Variants in CMSS1 observed in about 807,000 individuals in gnomAD.
The protein encoded by CMSS1 is protein CMSS1.
In CMSS1, 33 loss-of-function variants were observed where a neutral mutation model predicts 43.5. The observed-to-expected ratio is 0.76, with a 90% CI of 0.57 to 1.01. CMSS1 has a LOEUF of 1.01. CMSS1 is among the 50% of genes least tolerant of loss of function. CMSS1 has a pLI of 0.00. For synonymous variants in CMSS1, 115 were observed against 117.2 expected (o/e 0.98, Z 0.12); for missense variants, 313 against 326.4 (o/e 0.96, Z 0.32).
chr3:99,994,395 C>T (rs1056618520), intron 1 of CMSS1, among the ~76,000 whole-genome samples: 1 of 152,190 alleles, frequency 6.6e-6, no homozygotes, highest in Non-Finnish European at 1.5e-5. Context: ...ACTTAACAGA[C>T]ATTTACAACA....
chr3:99,822,430 G>A (rs1482785385), intron 1 of CMSS1, among the ~76,000 whole-genome samples: 2 of 152,142 alleles, frequency 1.3e-5, no homozygotes, highest in Non-Finnish European at 2.9e-5. Context: ...GGAGACTGCA[G>A]GTAATAATAC....
At chr3:100,066,421 A>C (rs552752190) in intron 1 of CMSS1, among the ~76,000 whole-genome samples, 5 of 150,552 alleles carry the variant, frequency 3.3e-5, no homozygotes, top group South Asian at 4.2e-4. Flanking sequence ...GTCATTTGCC[A>C]TGTGGTGATC....
chr3:99,850,088 T>C (rs901575559), intron 1 of CMSS1: 1 of 1,613,232 alleles, frequency 6.2e-7, no homozygotes, highest in East Asian at 2.2e-5. Context: ...GTTACTTTAT[T>C]TTGCTCCACT....
At chr3:100,003,585 C>T (rs78665059) in intron 1 of CMSS1, among the ~76,000 whole-genome samples, 3,125 of 152,226 alleles carry the variant, frequency 0.021, 50 homozygotes, top group Non-Finnish European at 0.035. Flanking sequence ...GAATCTCAGT[C>T]CCTTGACACT....
intron 1 of CMSS1, chr3:100,010,134 A>G (rs751856712): frequency 6.0e-5 from 58 of 969,920 alleles, no homozygotes; most frequent in Non-Finnish European, 7.1e-5. Flanking sequence ...TTTTTAGGTA[A>G]GTCATCTGAT....
chr3:100,114,868 C>A, intron 1 of CMSS1: 2 of 1,027,544 alleles, frequency 1.9e-6, no homozygotes, highest in Non-Finnish European at 1.4e-6. Flanking sequence ...ACCCAAGGCA[C>A]TGTAAACATT....
At chr3:99,980,125 C>G (rs1424494492) in intron 1 of CMSS1, among the ~76,000 whole-genome samples, 1 of 152,088 alleles carries the variant, frequency 6.6e-6, no homozygotes, top group Non-Finnish European at 1.5e-5. Flanking sequence ...ACAGTACGGA[C>G]TATATAGTGA....
chr3:100,136,983 C>T (rs1406150111), intron 1 of CMSS1, among the ~76,000 whole-genome samples: 1 of 152,270 alleles, frequency 6.6e-6, no homozygotes, highest in Admixed American at 6.5e-5. Flanking sequence ...TTTTCCTCCC[C>T]TTCCCTTCCC....
At chr3:99,887,365 A>G (rs1051246697) in intron 1 of CMSS1, among the ~76,000 whole-genome samples, 1 of 152,152 alleles carries the variant, frequency 6.6e-6, no homozygotes, top group Non-Finnish European at 1.5e-5. Context: ...GCATTCCAGG[A>G]AGGAGAATGG....
At chr3:100,000,429 G>C (rs1381514817) in intron 1 of CMSS1, among the ~76,000 whole-genome samples, 1 of 152,204 alleles carries the variant, frequency 6.6e-6, no homozygotes, top group Non-Finnish European at 1.5e-5. Context: ...AATGTCGTCA[G>C]CTGTAGATCT....
intron 1 of CMSS1, among the ~76,000 whole-genome samples, chr3:100,095,611 A>G (rs1393193321): frequency 6.6e-6 from 1 of 152,132 alleles, no homozygotes; most frequent in Non-Finnish European, 1.5e-5. Context: ...CTAATACAAA[A>G]ATTAAACCAA....
intron 1 of CMSS1, among the ~76,000 whole-genome samples, chr3:100,008,231 A>G (rs1710043076): frequency 1.3e-5 from 2 of 152,184 alleles, no homozygotes; most frequent in Admixed American, 1.3e-4. Flanking sequence ...TTCCTGATAA[A>G]GGTAACTACT....
intron 1 of CMSS1, among the ~76,000 whole-genome samples, chr3:99,856,537 A>G (rs1943974887): frequency 6.6e-6 from 1 of 152,242 alleles, no homozygotes; most frequent in Non-Finnish European, 1.5e-5. Flanking sequence ...AAGTGAGGTA[A>G]TTAAATCCAA....
intron 1 of CMSS1, among the ~76,000 whole-genome samples, chr3:99,999,697 G>T (rs1486704806): frequency 6.6e-6 from 1 of 152,064 alleles, no homozygotes; most frequent in Non-Finnish European, 1.5e-5. Flanking sequence ...TTTATGATTT[G>T]CCAGAAGTTC....
chr3:100,073,469 G>T (rs906632812), intron 1 of CMSS1, among the ~76,000 whole-genome samples: 5 of 152,118 alleles, frequency 3.3e-5, no homozygotes, highest in African/African-American at 1.2e-4. Flanking sequence ...AAAAGACTGG[G>T]GTAGAGGAGA....
chr3:100,159,339 C>T lies in CMSS1; in HGVS notation c.154-1091C>T, dbSNP rs940723588. ...AAAAGAGAATCTTGAAACTGCGGGT[C>T]TTTGGCCCCATGTCTTGAAGAAATT... On this transcript the variant is annotated intron_variant, in intron 2 of 9. Transcript: ENST00000421999. 6.6e-5 allele frequency among the ~76,000 whole-genome samples: 10 copies of T among 152,320 alleles called. No individual in the cohort carries two copies. The South Asian group carries it at 2.1e-3, about 32-fold the overall frequency.
chr3:99,991,475 G>A (rs1173749385), intron 1 of CMSS1, among the ~76,000 whole-genome samples: 1 of 151,782 alleles, frequency 6.6e-6, no homozygotes, highest in African/African-American at 2.4e-5. Flanking sequence ...TATATATTTA[G>A]GAGGTACAAA....
chr3:100,062,301 C>T (rs927783302), intron 1 of CMSS1, among the ~76,000 whole-genome samples: 2 of 151,396 alleles, frequency 1.3e-5, no homozygotes, highest in Non-Finnish European at 2.9e-5. Context: ...TTAGTGGAGA[C>T]GAGGTTTCAC....
chr3:100,011,441 G>A (rs559489517), intron 1 of CMSS1, among the ~76,000 whole-genome samples: 1 of 152,234 alleles, frequency 6.6e-6, no homozygotes, highest in Admixed American at 6.5e-5. Context: ...AAAACACCCA[G>A]AGGACTAGTT....
Sources: allele counts gnomAD v4.1 joint callset (sites outside exome capture counted in the v4.1 genomes callset), GRCh38; gene constraint gnomAD v4.1.1; transcripts MANE v1.5; gene names NCBI Gene and HGNC (gene_info 2026-07-23, HGNC 2026-07-21).